Variants in ATG5 observed in about 807,000 individuals in gnomAD.
ATG5 encodes autophagy protein 5.
A neutral mutation model predicts 36.5 loss-of-function variants in ATG5; 14 were observed. The observed-to-expected ratio is 0.38, with a 90% confidence interval of 0.25 to 0.60. The LOEUF (loss-of-function observed/expected upper bound fraction) is 0.60. Ranked by LOEUF, ATG5 falls within the 20% of genes least tolerant of loss-of-function variation. The probability of loss-of-function intolerance (pLI) is 0.60; values close to 1 mark genes in which losing one functional copy is unlikely to be tolerated. For missense variants in ATG5, 195 were observed against 326.7 expected (o/e 0.60, Z 3.11); for synonymous variants, 95 against 101.5 (o/e 0.94, Z 0.38).
At chr6:106,316,354 G>T in intron 1 of ATG5, 88 bp from the exon 2 acceptor site, 1 of 466,574 alleles carries the variant, frequency 2.1e-6, no homozygotes, top group Non-Finnish European at 3.7e-6. Flanking sequence ...AAAAATCCAT[G>T]CCATAAAGAT....
At chr6:106,197,179 T>C (rs1025278990) in intron 7 of ATG5, among the ~76,000 whole-genome samples, 1 of 152,132 alleles carries the variant, frequency 6.6e-6, no homozygotes, top group African/African-American at 2.4e-5. Context: ...TAAAACAACA[T>C]ATTTTAAAAA....
rs148139813 is a variant in ATG5 at position 106,213,801 on chromosome 6, T to C, written c.574-11712A>G. ...CTGAAAAATGAGGAAAACTTATCTT[T>C]GAACAATTGATGTGATAATTAAATG... On this transcript the variant is annotated intron_variant, in intron 6 of 7. Transcript: ENST00000369076. 7.6e-3 allele frequency among the ~76,000 whole-genome samples: 1,150 copies of C among 152,284 alleles called. 11 individuals are homozygous for C. The highest frequency in any genetic ancestry group is 0.026 in the African/African-American group (1,070 of 41,556).
intron 6 of ATG5, 65 bp from the exon 7 acceptor site, chr6:106,202,154 T>C (rs901237878): frequency 1.6e-6 from 2 of 1,284,018 alleles, no homozygotes; most frequent in African/African-American, 2.9e-5. Flanking sequence ...TACAAATTTA[T>C]ATATCATAAA....
intron 3 of ATG5, among the ~76,000 whole-genome samples, chr6:106,305,433 GT>G (rs1006898255): frequency 2.0e-5 from 3 of 151,452 alleles, no homozygotes; most frequent in Admixed American, 1.3e-4. Flanking sequence ...AAGGACTTTA[GT>G]TTTTTTTTCT....
chr6:106,246,442 T>C (rs547066524), intron 6 of ATG5, among the ~76,000 whole-genome samples: 48 of 151,648 alleles, frequency 3.2e-4, no homozygotes, highest in African/African-American at 1.0e-3. Context: ...CCTTTCTCTC[T>C]CTCTCTCTCT....
chr6:106,269,873 AG>A (rs1355986715), intron 5 of ATG5, among the ~76,000 whole-genome samples: 1 of 152,254 alleles, frequency 6.6e-6, no homozygotes, highest in Non-Finnish European at 1.5e-5. Flanking sequence ...GGTGGGCTGA[AG>A]GGCTCAAGTG....
intron 5 of ATG5, among the ~76,000 whole-genome samples, chr6:106,255,901 A>G (rs1345663029): frequency 6.6e-6 from 1 of 152,196 alleles, no homozygotes; most frequent in Non-Finnish European, 1.5e-5. Flanking sequence ...CTATAGATTT[A>G]TAACCAATAA....
At chr6:106,305,217 A>G (rs1223354862) in intron 3 of ATG5, among the ~76,000 whole-genome samples, 1 of 152,352 alleles carries the variant, frequency 6.6e-6, no homozygotes, top group East Asian at 1.9e-4. Context: ...AATTAACAGT[A>G]AAGGAAAAAT....
intron 7 of ATG5, among the ~76,000 whole-genome samples, chr6:106,195,238 T>C (rs1776127374): frequency 1.3e-5 from 2 of 152,176 alleles, no homozygotes; most frequent in East Asian, 3.8e-4. Context: ...GAATCACTTG[T>C]AGGGAGTAGA....
chr6:106,309,294 AC>A lies in ATG5; in HGVS notation c.109-804del, dbSNP rs1770560716. Among the ~76,000 whole-genome samples the A allele has an allele frequency of 2.6e-5, 4 of 152,310 alleles. No individual in the cohort carries two copies. In the South Asian group the frequency reaches 8.3e-4, roughly 32 times the overall value. On this transcript the variant is annotated intron_variant, in intron 2 of 7. Coordinates refer to ENST00000369076, the MANE Select transcript of ATG5 (RefSeq NM_004849.4). ...TCTTTTGACTAATAAATCAAGTAGA[AC>A]TACTAAGCTGACAAATATATACAGA...
intron 6 of ATG5, 27 bp downstream of exon 6, chr6:106,248,123 G>A (rs746501994): frequency 1.0e-4 from 154 of 1,511,908 alleles, no homozygotes; most frequent in Non-Finnish European, 1.2e-4. Flanking sequence ...TTCATAAATG[G>A]ATGTTTTTTA....
rs573430874 is a variant in ATG5 at position 106,269,514 on chromosome 6, C to A, written c.478+10147G>T. 1.5e-3 allele frequency among the ~76,000 whole-genome samples: 236 copies of A among 152,338 alleles called. 1 individual carries two copies. The highest frequency in any genetic ancestry group is 0.014 in the Middle Eastern group (4 of 294). ...GAGCCCATGGAAGGGGTGGGAGGCT[C>A]AGGCATGGCGGGCTGCAGGTCCCGA... On this transcript the variant is annotated intron_variant, in intron 5 of 7. Coordinates refer to ENST00000369076, the MANE Select transcript of ATG5 (RefSeq NM_004849.4).
intron 2 of ATG5, among the ~76,000 whole-genome samples, chr6:106,312,779 T>C (rs1770702067): frequency 6.6e-6 from 1 of 151,812 alleles, no homozygotes; most frequent in African/African-American, 2.4e-5. Flanking sequence ...ATAAAGCAAA[T>C]GAAAATTAAC....
chr6:106,294,063 T>G (rs1780433889), intron 3 of ATG5, among the ~76,000 whole-genome samples: 1 of 152,150 alleles, frequency 6.6e-6, no homozygotes, highest in Admixed American at 6.5e-5. Context: ...AATGAGCACT[T>G]CCTTTGAGTG....
intron 4 of ATG5, among the ~76,000 whole-genome samples, chr6:106,289,812 T>C (rs569236221): frequency 2.6e-5 from 4 of 152,358 alleles, no homozygotes; most frequent in African/African-American, 7.2e-5. Flanking sequence ...ATTTGTATTT[T>C]TGCAAATAAC....
At chr6:106,313,867 C>T (rs992014819) in intron 2 of ATG5, among the ~76,000 whole-genome samples, 3 of 152,160 alleles carry the variant, frequency 2.0e-5, no homozygotes, top group Admixed American at 6.5e-5. Flanking sequence ...TACGTATTAA[C>T]TTACACTTAA....
chr6:106,208,339 G>C (rs534754905), intron 6 of ATG5, among the ~76,000 whole-genome samples: 1 of 148,776 alleles, frequency 6.7e-6, no homozygotes, highest in African/African-American at 2.4e-5. Flanking sequence ...ACACAATTCT[G>C]ACACATAACA....
chr6:106,301,180 A>C (rs1286856876), intron 3 of ATG5, among the ~76,000 whole-genome samples: 1 of 152,072 alleles, frequency 6.6e-6, no homozygotes, highest in Non-Finnish European at 1.5e-5. Context: ...AAGAGACTCT[A>C]TTTTGAGTTA....
At chr6:106,231,820 C>A (rs1303532690) in intron 6 of ATG5, among the ~76,000 whole-genome samples, 1 of 151,646 alleles carries the variant, frequency 6.6e-6, no homozygotes, top group African/African-American at 2.4e-5. Flanking sequence ...GATGAGCAGG[C>A]AGAATGGGAC....
Sources: allele counts gnomAD v4.1 joint callset (sites outside exome capture counted in the v4.1 genomes callset), GRCh38; gene constraint gnomAD v4.1.1; transcripts MANE v1.5; gene names NCBI Gene and HGNC (gene_info 2026-07-23, HGNC 2026-07-21).